AGMO: variants seen among roughly 807,000 people sequenced by gnomAD.
AGMO encodes alkylglycerol monooxygenase, also known as glyceryl-ether monooxygenase.
A neutral mutation model predicts 60.2 loss-of-function variants in AGMO; 75 were observed. The ratio of observed to expected loss-of-function variants is 1.25; its 90% confidence interval spans 1.03 to 1.51. AGMO has a LOEUF of 1.51. Among genes scored for constraint, AGMO ranks in the 40% most tolerant of loss-of-function variants. AGMO has a pLI of 0.00. For synonymous variants in AGMO, 261 were observed against 177.1 expected (o/e 1.47, Z -3.76); for missense variants, 763 against 525.5 (o/e 1.45, Z -4.42).
chr7:15,210,598 C>T (rs900918996), intron 12 of AGMO, among the ~76,000 whole-genome samples: 1 of 152,056 alleles, frequency 6.6e-6, no homozygotes, highest in African/African-American at 2.4e-5. Flanking sequence ...CTTCAGTAAT[C>T]TATATTACTA....
At chr7:15,271,984 T>C (rs960965565) in intron 12 of AGMO, among the ~76,000 whole-genome samples, 6 of 152,080 alleles carry the variant, frequency 3.9e-5, no homozygotes, top group African/African-American at 1.4e-4. Context: ...ATTTGCATGG[T>C]TGTTCATATT....
the AGMO span, among the ~76,000 whole-genome samples, chr7:15,126,473 G>C: frequency 1.3e-5 from 2 of 152,028 alleles, no homozygotes; most frequent in African/African-American, 4.8e-5. Flanking sequence ...ACTCCTGATA[G>C]TTACCTATGA....
chr7:15,223,329 C>T (rs1444148782), intron 12 of AGMO, among the ~76,000 whole-genome samples: 1 of 151,802 alleles, frequency 6.6e-6, no homozygotes, highest in Non-Finnish European at 1.5e-5. Flanking sequence ...CTAGCAGGTA[C>T]AATTTTTGAT....
chr7:15,528,573 G>A (rs1468978283), intron 3 of AGMO, among the ~76,000 whole-genome samples: 3 of 152,050 alleles, frequency 2.0e-5, no homozygotes, highest in East Asian at 3.9e-4. Context: ...AGTTTGCAGA[G>A]AGTTCAGAAG....
At chr7:15,392,139 G>A (rs1372877130) in intron 6 of AGMO, among the ~76,000 whole-genome samples, 2 of 151,470 alleles carry the variant, frequency 1.3e-5, no homozygotes, top group African/African-American at 4.9e-5. Context: ...GCGCCATCTC[G>A]GCTCACTGCA....
At chr7:15,345,055 A>G (rs577923509) in intron 12 of AGMO, among the ~76,000 whole-genome samples, 1 of 152,276 alleles carries the variant, frequency 6.6e-6, no homozygotes, top group East Asian at 1.9e-4. Flanking sequence ...ATATATTTTA[A>G]TAGGTTTTCC....
At chr7:15,356,018 A>T (rs953162788) in intron 12 of AGMO, among the ~76,000 whole-genome samples, 1 of 152,206 alleles carries the variant, frequency 6.6e-6, no homozygotes, top group Non-Finnish European at 1.5e-5. Context: ...AGTAATTAGA[A>T]ATACAATCAG....
At chr7:15,353,211 G>A (rs1397967172) in intron 12 of AGMO, among the ~76,000 whole-genome samples, 1 of 152,100 alleles carries the variant, frequency 6.6e-6, no homozygotes, top group Non-Finnish European at 1.5e-5. Context: ...CCACGCTGAC[G>A]TTGGTAGATT....
At chr7:15,533,373 A>T (rs1229919686) in intron 3 of AGMO, among the ~76,000 whole-genome samples, 1 of 152,146 alleles carries the variant, frequency 6.6e-6, no homozygotes, top group Non-Finnish European at 1.5e-5. Flanking sequence ...GACAATAACA[A>T]TGTACCTATA....
the AGMO span, among the ~76,000 whole-genome samples, chr7:15,124,787 C>T: frequency 1.3e-5 from 2 of 152,028 alleles, no homozygotes; most frequent in Non-Finnish European, 2.9e-5. Flanking sequence ...TGCTAGGATT[C>T]TTGTAACTGG....
At chr7:15,121,121 C>G in the AGMO span, among the ~76,000 whole-genome samples, 3 of 152,266 alleles carry the variant, frequency 2.0e-5, no homozygotes, top group Admixed American at 2.0e-4. Flanking sequence ...CGGCTTCCAG[C>G]TTCATCCATG....
At chr7:15,488,412 G>C (rs917598932) in intron 3 of AGMO, among the ~76,000 whole-genome samples, 1 of 152,048 alleles carries the variant, frequency 6.6e-6, no homozygotes, top group Non-Finnish European at 1.5e-5. Flanking sequence ...AAGCACATTT[G>C]GCCTCTATAA....
intron 3 of AGMO, among the ~76,000 whole-genome samples, chr7:15,471,513 G>A (rs1782449643): frequency 6.6e-6 from 1 of 151,794 alleles, no homozygotes; most frequent in Non-Finnish European, 1.5e-5. Flanking sequence ...ACCACACTTG[G>A]CAGGGCATAG....
intron 3 of AGMO, among the ~76,000 whole-genome samples, chr7:15,479,748 C>A (rs946182228): frequency 6.6e-6 from 1 of 152,076 alleles, no homozygotes; most frequent in East Asian, 1.9e-4. Context: ...GCAAGGGATA[C>A]AAAACTGAAG....
At position 15,560,417 on chromosome 7, in the gene AGMO, C is replaced by A. The variant is rs374015976; in HGVS notation, c.127-146G>T. 1.2e-4 allele frequency: 83 copies of A among 720,164 alleles called. 1 individual carries two copies. The African/African-American group carries it at 1.4e-3, about 12-fold the overall frequency. The allele number at this position is 720,164 out of a possible 1,614,324, so 44.6% of individuals were successfully genotyped here. On this transcript the variant is annotated intron_variant, in intron 1 of 12. Transcript: ENST00000342526. ...AGACACTCATTTTAGAGGATTACTTCCTACACAGTGGTAAAGAAGTCTAAT... is the reference window on the plus strand; with the variant it reads ...AGACACTCATTTTAGAGGATTACTTACTACACAGTGGTAAAGAAGTCTAAT...
At chr7:15,289,318 T>C (rs1191090730) in intron 12 of AGMO, among the ~76,000 whole-genome samples, 2 of 133,972 alleles carry the variant, frequency 1.5e-5, no homozygotes, top group African/African-American at 5.1e-5. Context: ...AAATTATTTA[T>C]TATCAAATTT....
intron 12 of AGMO, among the ~76,000 whole-genome samples, chr7:15,262,209 G>T (rs1270751892): frequency 6.6e-6 from 1 of 152,084 alleles, no homozygotes; most frequent in East Asian, 1.9e-4. Flanking sequence ...GTTTGCTGAT[G>T]TGATTGTATA....
At chr7:15,355,753 G>T (rs942307131) in intron 12 of AGMO, among the ~76,000 whole-genome samples, 3 of 151,998 alleles carry the variant, frequency 2.0e-5, no homozygotes, top group African/African-American at 7.3e-5. Flanking sequence ...GGGGAGTATT[G>T]TATTATATGG....
At chr7:15,218,566 ATATTAACTCTC>A (rs1781818044) in intron 12 of AGMO, among the ~76,000 whole-genome samples, 1 of 141,654 alleles carries the variant, frequency 7.1e-6, no homozygotes, top group Non-Finnish European at 1.6e-5. Flanking sequence ...ATCTTAAAAT[ATATTAACTCTC>A]TGTAAGCTTG....
Sources: allele counts gnomAD v4.1 joint callset (sites outside exome capture counted in the v4.1 genomes callset), GRCh38; gene constraint gnomAD v4.1.1; transcripts MANE v1.5; gene names NCBI Gene and HGNC (gene_info 2026-07-23, HGNC 2026-07-21).